Variants in SLC44A5 observed in about 807,000 individuals in gnomAD.
SLC44A5 encodes solute carrier family 44 member 5, also known as choline transporter-like protein 5.
A neutral mutation model predicts 101.8 loss-of-function variants in SLC44A5; 57 were observed. The observed-to-expected ratio is 0.56, with a 90% CI of 0.45 to 0.70. The LOEUF is 0.70. Ranked by LOEUF, SLC44A5 falls within the 30% of genes least tolerant of loss-of-function variation. The pLI, the probability that SLC44A5 is intolerant of heterozygous loss-of-function variation, is 0.00. For missense variants in SLC44A5, 737 were observed against 853.1 expected, an observed-to-expected ratio of 0.86 and a Z score of 1.70; for synonymous variants, 281 against 290.9, an observed-to-expected ratio of 0.97 and a Z score of 0.35.
intron 2 of SLC44A5, among the ~76,000 whole-genome samples, chr1:75,501,901 T>C (rs1668980131): frequency 6.6e-6 from 1 of 152,236 alleles, no homozygotes; most frequent in Non-Finnish European, 1.5e-5. Flanking sequence ...CATAGTTCTT[T>C]TTAAAAACCT....
At chr1:75,612,350 C>A (rs1675692545), upstream of SLC44A5, among the ~76,000 whole-genome samples, 2 of 152,120 alleles carry the variant, frequency 1.3e-5, no homozygotes, top group South Asian at 4.1e-4. Context: ...CCTGGCTTCT[C>A]CCTAACTGTC....
At chr1:75,550,290 A>C (rs998450649) in intron 1 of SLC44A5, among the ~76,000 whole-genome samples, 1 of 152,148 alleles carries the variant, frequency 6.6e-6, no homozygotes, top group Non-Finnish European at 1.5e-5. Flanking sequence ...AAGAAGCCAG[A>C]CACAAAAAGC....
intron 4 of SLC44A5, among the ~76,000 whole-genome samples, chr1:75,334,806 A>G (rs543393894): frequency 3.3e-5 from 5 of 152,332 alleles, no homozygotes; most frequent in Admixed American, 3.3e-4. Context: ...GGACATTTTG[A>G]AAGAACATTA....
At chr1:75,458,087 C>A (rs1252452750) in intron 2 of SLC44A5, among the ~76,000 whole-genome samples, 1 of 152,128 alleles carries the variant, frequency 6.6e-6, no homozygotes, top group African/African-American at 2.4e-5. Flanking sequence ...TAGTGAATGA[C>A]ACTAACTTAC....
At chr1:75,244,651 T>C (rs1648950587) in intron 7 of SLC44A5, among the ~76,000 whole-genome samples, 1 of 152,010 alleles carries the variant, frequency 6.6e-6, no homozygotes, top group Non-Finnish European at 1.5e-5. Flanking sequence ...TGCAATTATT[T>C]TACATTAATA....
intron 2 of SLC44A5, among the ~76,000 whole-genome samples, chr1:75,507,466 ATTT>A (rs1259082187): frequency 6.6e-6 from 1 of 151,910 alleles, no homozygotes; most frequent in Admixed American, 6.6e-5. Context: ...TTTGTTGAGA[ATTT>A]TTTTGTGTCT....
Position 75,536,455 on chromosome 1 carries a change from G to T in SLC44A5, c.13+4980C>A, listed in dbSNP as rs562792295. 1.5e-4 allele frequency among the ~76,000 whole-genome samples: 22 copies of T among 150,726 alleles called. No individual in the cohort carries two copies. The South Asian group carries it at 4.4e-3, about 30-fold the overall frequency. ...TCTACTAAAAATACAAAAAAAATTG[G>T]CTGGGCATGGTGGCGGGCGCCTGTA... On this transcript the variant is annotated intron_variant, in intron 2 of 23. Coordinates refer to ENST00000370859, the MANE Select transcript of SLC44A5 (RefSeq NM_001130058.2).
intron 2 of SLC44A5, among the ~76,000 whole-genome samples, chr1:75,511,157 G>C (rs1209844824): frequency 6.6e-6 from 1 of 151,804 alleles, no homozygotes; most frequent in Non-Finnish European, 1.5e-5. Flanking sequence ...AAAAAGAAAA[G>C]AAAAAGAAAA....
intron 1 of SLC44A5, among the ~76,000 whole-genome samples, chr1:75,590,052 G>A (rs1313186920): frequency 6.6e-6 from 1 of 151,992 alleles, no homozygotes; most frequent in Non-Finnish European, 1.5e-5. Context: ...AGAGACAGTG[G>A]ATTAGGGGGG....
intron 1 of SLC44A5, among the ~76,000 whole-genome samples, chr1:75,563,341 TA>T (rs11350202): frequency 0.34 from 51,959 of 151,278 alleles, 9,533 homozygotes; most frequent in East Asian, 0.78. Context: ...TAAGGGTAGA[TA>T]TTTTTTTTTC....
Position 75,345,261 on chromosome 1 carries a change from G to A in SLC44A5, c.53-5631C>T, listed in dbSNP as rs531709643. ...AAGTAGAAGCTGACAAAGGAAGTAAGGGAGAAAGTATCCCATATTGGTGAA... is the reference window on the plus strand; with the variant it reads ...AAGTAGAAGCTGACAAAGGAAGTAAAGGAGAAAGTATCCCATATTGGTGAA... On this transcript the variant is annotated intron_variant, in intron 3 of 23. Transcript: ENST00000370859. Among the ~76,000 whole-genome samples, 38 of 152,162 alleles carry A rather than the reference G, an allele frequency of 2.5e-4. No individual in the cohort carries two copies. The South Asian group carries it at 7.9e-3, about 32-fold the overall frequency.
intron 2 of SLC44A5, among the ~76,000 whole-genome samples, chr1:75,431,927 T>TA (rs1474434372): frequency 2.0e-5 from 3 of 151,970 alleles, no homozygotes; most frequent in African/African-American, 4.8e-5. Flanking sequence ...AGGAGAGGAG[T>TA]ATTATTTCAC....
At chr1:75,608,942 G>A (rs1675489734) in intron 1 of SLC44A5, among the ~76,000 whole-genome samples, 1 of 151,322 alleles carries the variant, frequency 6.6e-6, no homozygotes, top group East Asian at 1.9e-4. Context: ...TATCAACAAT[G>A]TATTCATGCT....
chr1:75,285,538 T>C (rs1026141059), intron 5 of SLC44A5, among the ~76,000 whole-genome samples: 5 of 152,116 alleles, frequency 3.3e-5, no homozygotes, highest in Admixed American at 3.3e-4. Flanking sequence ...CTTGTTTCTC[T>C]GGTTCCTTGA....
intron 1 of SLC44A5, among the ~76,000 whole-genome samples, chr1:75,605,897 A>T (rs1239501256): frequency 6.6e-6 from 1 of 151,986 alleles, no homozygotes; most frequent in East Asian, 1.9e-4. Flanking sequence ...GCTAGCCCAT[A>T]GCTTCTCAGC....
intron 16 of SLC44A5, 97 bp downstream of exon 16, chr1:75,219,160 G>T: frequency 1.2e-6 from 1 of 858,660 alleles, no homozygotes; most frequent in Non-Finnish European, 1.9e-6. Context: ...CAGTGTATAG[G>T]ATCTCTGCTT....
chr1:75,592,865 T>G (rs751389363), intron 1 of SLC44A5, among the ~76,000 whole-genome samples: 1 of 152,048 alleles, frequency 6.6e-6, no homozygotes, highest in Non-Finnish European at 1.5e-5. Context: ...TAAAGAAATC[T>G]AAGACCTCAA....
intron 23 of SLC44A5, among the ~76,000 whole-genome samples, chr1:75,209,810 T>C (rs911539655): frequency 1.5e-4 from 23 of 152,300 alleles, no homozygotes; most frequent in African/African-American, 4.8e-4. Context: ...AAGTGGATTG[T>C]TCAGTAATGG....
chr1:75,398,201 A>C (rs1475051230), intron 2 of SLC44A5, among the ~76,000 whole-genome samples: 4 of 152,322 alleles, frequency 2.6e-5, no homozygotes, highest in Middle Eastern at 3.4e-3. Flanking sequence ...TTCGAGGTTC[A>C]TGGTTATCTT....
Sources: gnomAD v4.1 joint callset for allele counts (sites outside exome capture counted in the v4.1 genomes callset) on GRCh38, gnomAD v4.1.1 for gene constraint, MANE v1.5 for transcripts, NCBI Gene and HGNC (gene_info 2026-07-23, HGNC 2026-07-21) for gene names.